The following CD247 variants were observed in gnomAD, a reference collection of about 807,000 sequenced individuals.
The protein encoded by CD247 is T-cell surface glycoprotein CD3 zeta chain.
A neutral mutation model predicts 30.0 loss-of-function variants in CD247; 13 were observed. That is an observed-to-expected ratio of 0.43 (90% CI 0.28 to 0.69). CD247 has a LOEUF of 0.69. Among genes scored for constraint, CD247 ranks in the 30% least tolerant of loss-of-function variants. The pLI is 0.16. For missense variants in CD247, 193 were observed against 212.6 expected (o/e 0.91, Z 0.57); for synonymous variants, 72 against 80.0 (o/e 0.90, Z 0.53).
Position 167,509,838 on chromosome 1 carries a change from G to A in CD247, c.58+8570C>T, listed in dbSNP as rs747350922. Among the ~76,000 whole-genome samples, 8 of 152,236 alleles carry A rather than the reference G, an allele frequency of 5.3e-5. No homozygotes were observed. In the South Asian group the frequency reaches 6.2e-4, roughly 12 times the overall value. On this transcript the variant is annotated intron_variant, in intron 1 of 7. Coordinates refer to ENST00000362089, the MANE Select transcript of CD247 (RefSeq NM_198053.3). Reference sequence around the variant, plus strand: ...TTCCGCAGGTGGGGGATGGAGTGGCGTCTGCATTCTAAGTCGGGAGAATTG... The same window carrying A: ...TTCCGCAGGTGGGGGATGGAGTGGCATCTGCATTCTAAGTCGGGAGAATTG...
chr1:167,454,442 C>T (rs1050162652), intron 1 of CD247, among the ~76,000 whole-genome samples: 1 of 152,166 alleles, frequency 6.6e-6, no homozygotes, highest in African/African-American at 2.4e-5. Flanking sequence ...AAGGTGTGTG[C>T]GGCAAGATTC....
chr1:167,444,979 G>T (rs1298840722), intron 1 of CD247, among the ~76,000 whole-genome samples: 1 of 151,552 alleles, frequency 6.6e-6, no homozygotes, highest in Non-Finnish European at 1.5e-5. Flanking sequence ...AGGCTGGAGT[G>T]CAATGGCATG....
chr1:167,445,961 G>A (rs1490042496), intron 1 of CD247, among the ~76,000 whole-genome samples: 1 of 152,168 alleles, frequency 6.6e-6, no homozygotes, highest in African/African-American at 2.4e-5. Context: ...TCTTATGAGT[G>A]CCAGGAGACA....
At chr1:167,513,526 C>T (rs964713019) in intron 1 of CD247, among the ~76,000 whole-genome samples, 12 of 152,076 alleles carry the variant, frequency 7.9e-5, no homozygotes, top group Admixed American at 2.6e-4. Context: ...TAACCTGGAT[C>T]AAACCAGACT....
intron 1 of CD247, among the ~76,000 whole-genome samples, chr1:167,446,943 G>A (rs561252083): frequency 4.3e-4 from 65 of 152,170 alleles, no homozygotes; most frequent in African/African-American, 7.0e-4. Context: ...TGCAGTAAGC[G>A]GAGATTACGC....
chr1:167,485,041 G>T (rs1315620992), intron 1 of CD247, among the ~76,000 whole-genome samples: 1 of 152,196 alleles, frequency 6.6e-6, no homozygotes, highest in African/African-American at 2.4e-5. Flanking sequence ...CACTGGCCCT[G>T]TCCTGAATCC....
intron 1 of CD247, 115 bp downstream of exon 1, chr1:167,518,293 G>C (rs1655703783): frequency 1.1e-6 from 1 of 937,132 alleles, no homozygotes. Flanking sequence ...ATTTGAGGAG[G>C]GCAGGATTTG....
intron 1 of CD247, among the ~76,000 whole-genome samples, chr1:167,471,651 G>T (rs1653526222): frequency 1.3e-5 from 2 of 151,972 alleles, no homozygotes; most frequent in African/African-American, 4.8e-5. Flanking sequence ...CTCTCACGCT[G>T]GAGTCCAGTG....
chr1:167,434,034 C>T lies in CD247; in HGVS notation c.379G>A (p.Gly127Arg). The T allele has an allele frequency of 1.2e-6, 2 of 1,614,142 alleles. No homozygotes were observed. The highest frequency in any genetic ancestry group is 1.7e-6 in the Non-Finnish European group (2 of 1,179,940). Residue 127 changes from glycine to arginine, a missense_variant, in exon 6 of 8, where the codon GGG becomes AGG. Physicochemically the swap from Gly to Arg is moderately radical, Grantham distance 125 (BLOSUM62 -2). Transcript: ENST00000362089. ...DKMAEAYSEI[G>R]MKGERRRGKG... ...GCAACACTCACCTCGCCTTTCATCC[C>T]AATCTCACTGTAGGCCTCCGCCATC...
Position 167,497,417 on chromosome 1 carries a change from A to AT in CD247, c.58+20990dup, listed in dbSNP as rs758135007. 6.2e-4 allele frequency among the ~76,000 whole-genome samples: 95 copies of AT among 152,240 alleles called. 1 individual carries two copies. The highest frequency in any genetic ancestry group is 1.2e-4 in the Non-Finnish European group (8 of 68,050). On this transcript the variant is annotated intron_variant, in intron 1 of 7. Transcript: ENST00000362089. ...GTGTTTTAGGTTCTCAAAGCAGAAAATAAAGTCCATTTCATTTTAAATAGG... is the reference window on the plus strand; with the variant it reads ...GTGTTTTAGGTTCTCAAAGCAGAAAATTAAAGTCCATTTCATTTTAAATAGG...
intron 1 of CD247, among the ~76,000 whole-genome samples, chr1:167,480,881 G>A (rs1213035784): frequency 6.6e-6 from 1 of 152,184 alleles, no homozygotes; most frequent in Non-Finnish European, 1.5e-5. Context: ...TTTGTGACGT[G>A]ATAAAACTCT....
At chr1:167,506,277 CTTTTCTTTTCTT>C (rs992139636) in intron 1 of CD247, among the ~76,000 whole-genome samples, 152 of 13,916 alleles carry the variant, frequency 0.011, 2 homozygotes, top group African/African-American at 0.049. Flanking sequence ...TTTTCCTTTT[CTTTTCTTTTCTT>C]TTTTCTTTTC....
intron 1 of CD247, among the ~76,000 whole-genome samples, chr1:167,455,877 G>A (rs1652629953): frequency 6.6e-6 from 1 of 152,180 alleles, no homozygotes; most frequent in Admixed American, 6.5e-5. Flanking sequence ...GGGCACAGTG[G>A]CCAGGATCGG....
intron 1 of CD247, among the ~76,000 whole-genome samples, chr1:167,475,903 GAC>G (rs1653726252): frequency 6.6e-6 from 1 of 152,090 alleles, no homozygotes; most frequent in African/African-American, 2.4e-5. Flanking sequence ...AAAAACATGA[GAC>G]AGAGAAATTA....
chr1:167,501,838 T>C (rs1654921325), intron 1 of CD247, among the ~76,000 whole-genome samples: 1 of 152,188 alleles, frequency 6.6e-6, no homozygotes, highest in Admixed American at 6.5e-5. Flanking sequence ...CCACTGTATG[T>C]GGAGCCGAGA....
intron 1 of CD247, among the ~76,000 whole-genome samples, chr1:167,446,719 C>T (rs899650559): frequency 6.6e-6 from 1 of 152,154 alleles, no homozygotes; most frequent in East Asian, 1.9e-4. Flanking sequence ...GGGGGCCAGG[C>T]GCGGTGGCTC....
chr1:167,432,500 TAG>T (rs1651318747), intron 7 of CD247, among the ~76,000 whole-genome samples: 1 of 152,230 alleles, frequency 6.6e-6, no homozygotes, highest in Admixed American at 6.5e-5. Flanking sequence ...GATCATGTTT[TAG>T]AGAAGTAGTT....
At chr1:167,446,462 C>T (rs1325454890) in intron 1 of CD247, among the ~76,000 whole-genome samples, 1 of 152,202 alleles carries the variant, frequency 6.6e-6, no homozygotes, top group Non-Finnish European at 1.5e-5. Flanking sequence ...CGTCAATTCT[C>T]CTATCTGCAG....
intron 1 of CD247, among the ~76,000 whole-genome samples, chr1:167,443,949 TACGC>T (rs1391252674): frequency 1.3e-5 from 2 of 152,192 alleles, no homozygotes; most frequent in African/African-American, 4.8e-5. Flanking sequence ...CTGATTCAGT[TACGC>T]AATTAATTAA....
Sources: allele counts gnomAD v4.1 joint callset (sites outside exome capture counted in the v4.1 genomes callset), GRCh38; gene constraint gnomAD v4.1.1; transcripts MANE v1.5; gene names NCBI Gene and HGNC (gene_info 2026-07-23, HGNC 2026-07-21).